The following CACNB4 variants were observed in gnomAD, a reference collection of about 807,000 sequenced individuals.
CACNB4 encodes the protein calcium voltage-gated channel auxiliary subunit beta 4.
A neutral mutation model predicts 71.2 loss-of-function variants in CACNB4; 32 were observed. The observed-to-expected ratio is 0.45, with a 90% CI of 0.34 to 0.60. The LOEUF (loss-of-function observed/expected upper bound fraction) is 0.60. Ranked by LOEUF, CACNB4 falls within the 20% of genes least tolerant of loss-of-function variation. CACNB4 has a pLI of 0.01. For missense variants in CACNB4, 464 were observed against 647.9 expected, an observed-to-expected ratio of 0.72 and a Z score of 3.08; for synonymous variants, 231 against 236.9, an observed-to-expected ratio of 0.97 and a Z score of 0.23.
At chr2:151,842,320 CTTTTTTTTTTTTTTT>C (rs35662354) in intron 12 of CACNB4, among the ~76,000 whole-genome samples, 1 of 67,708 alleles carries the variant, frequency 1.5e-5, no homozygotes, top group Non-Finnish European at 2.6e-5. Context: ...ATATTTGGAT[CTTTTTTTTTTTTTTT>C]TTTTTTTTTT....
chr2:152,054,105 C>A (rs1036800889), intron 2 of CACNB4, among the ~76,000 whole-genome samples: 1 of 152,058 alleles, frequency 6.6e-6, no homozygotes, highest in Non-Finnish European at 1.5e-5. Context: ...CGGTGGCTCA[C>A]GCCTGTAATC....
At chr2:152,090,658 A>T (rs979141439) in intron 2 of CACNB4, among the ~76,000 whole-genome samples, 1 of 151,922 alleles carries the variant, frequency 6.6e-6, no homozygotes, top group African/African-American at 2.4e-5. Context: ...AAAAAAAAGA[A>T]AAAAAGAAAG....
At chr2:151,937,165 C>G (rs1274183789) in intron 2 of CACNB4, among the ~76,000 whole-genome samples, 1 of 152,186 alleles carries the variant, frequency 6.6e-6, no homozygotes, top group Non-Finnish European at 1.5e-5. Flanking sequence ...TAACCCATTT[C>G]AATGAATTCC....
At chr2:151,929,655 C>A (rs1455701646) in intron 2 of CACNB4, among the ~76,000 whole-genome samples, 2 of 152,092 alleles carry the variant, frequency 1.3e-5, no homozygotes, top group Admixed American at 6.6e-5. Context: ...ATTCCAAGAG[C>A]ATCAACTAAA....
At chr2:152,096,674 C>T (rs1447279224) in intron 2 of CACNB4, among the ~76,000 whole-genome samples, 4 of 152,068 alleles carry the variant, frequency 2.6e-5, no homozygotes, top group African/African-American at 9.7e-5. Flanking sequence ...ATTTAGCATG[C>T]AATACTTTTA....
rs1391047389 is a variant in CACNB4, at chr2:151,834,333, T to A, written c.*4786A>T. ...ATACATCATGAGAAACAAAAGAAAG[T>A]TTCATATATAACTACGACTCCCCAA... is the stretch of plus-strand genomic sequence containing the variant. On this transcript the variant is annotated 3_prime_UTR_variant, in exon 14 of 14. Coordinates refer to ENST00000539935, the MANE Select transcript of CACNB4 (RefSeq NM_000726.5). The A allele has an allele frequency of 6.6e-6, 1 of 151,914 alleles. No individual in the cohort carries two copies. Among genetic ancestry groups the A allele is most frequent in the Non-Finnish European group, 1.5e-5 (1 of 67,864 alleles). 9.4% of individuals were successfully genotyped at this position (151,914 alleles called of 1,614,324 possible). A position where few individuals can be genotyped will look rare whatever the true frequency, so the allele number is the denominator to read the frequency against.
At position 151,872,425 on chromosome 2, in the gene CACNB4, G is replaced by A. The variant is rs1300738658; in HGVS notation, c.590C>T (p.Thr197Ile). 1.3e-6 allele frequency: 2 copies of A among 1,581,696 alleles called. No individual in the cohort carries two copies. Among genetic ancestry groups the A allele is most frequent in the African/African-American group, 1.3e-5 (1 of 74,150 alleles). The change falls in exon 6 of 14, where the codon ACA becomes ATA. Residue 197 changes from threonine (T) to isoleucine (I), a missense_variant. Thr to Ile is a moderately conservative substitution (Grantham distance 89). This residue lies in a region of CACNB4 where 299 missense variants were observed against 471.7 expected (regional missense o/e 0.63). Coordinates refer to ENST00000539935, the MANE Select transcript of CACNB4 (RefSeq NM_000726.5). ...TTAACTACAACCCTCACCTGTTGAT[G>A]TGGGAGTTGCTCGGAATGTCCCAGA... ...MVSGTFRATP[T>I]STAKQKQKVT... is the part of the protein sequence containing the mutation.
chr2:151,988,053 G>T (rs940220317), intron 2 of CACNB4, among the ~76,000 whole-genome samples: 1 of 152,034 alleles, frequency 6.6e-6, no homozygotes, highest in Non-Finnish European at 1.5e-5. Flanking sequence ...CTTTTTTTAA[G>T]ATCTGAAGCT....
intron 10 of CACNB4, chr2:151,858,807 C>T (rs557034895): frequency 2.6e-5 from 4 of 152,314 alleles, no homozygotes; most frequent in Admixed American, 2.6e-4. Context: ...ATGTCAATGT[C>T]TTTGTACATT....
In CACNB4 at chr2:152,073,020, T is replaced by C. The variant is rs368070788; in HGVS notation, c.147+25310A>G. On this transcript the variant is annotated intron_variant, in intron 2 of 13. Coordinates refer to ENST00000539935, the MANE Select transcript of CACNB4 (RefSeq NM_000726.5). Reference sequence around the variant, plus strand: ...GGCTTGGTCTAGTATATGGTTAAGCTAGACCTTGAACTTACGCTTTTGCTG... The same window carrying C: ...GGCTTGGTCTAGTATATGGTTAAGCCAGACCTTGAACTTACGCTTTTGCTG... Among the ~76,000 whole-genome samples, 11 of 152,180 alleles carry C rather than the reference T, an allele frequency of 7.2e-5. No homozygotes were observed. The South Asian group carries it at 2.1e-3, about 29-fold the overall frequency.
At chr2:151,997,854 A>G (rs1682152902) in intron 2 of CACNB4, among the ~76,000 whole-genome samples, 2 of 152,196 alleles carry the variant, frequency 1.3e-5, no homozygotes, top group South Asian at 4.1e-4. Flanking sequence ...AACCACAGTC[A>G]AATTCCTAAA....
chr2:151,997,000 G>C (rs1000079163), intron 2 of CACNB4, among the ~76,000 whole-genome samples: 8 of 152,092 alleles, frequency 5.3e-5, no homozygotes, highest in African/African-American at 1.9e-4. Flanking sequence ...TACATCACAG[G>C]GTATAAGGGC....
chr2:151,882,556 G>T (rs575462494), intron 3 of CACNB4, among the ~76,000 whole-genome samples: 2 of 152,188 alleles, frequency 1.3e-5, no homozygotes, highest in South Asian at 4.1e-4. Flanking sequence ...GACAAAAAGG[G>T]TCGTGCTTCA....
At chr2:151,882,024 G>A (rs1356735754) in intron 3 of CACNB4, among the ~76,000 whole-genome samples, 2 of 151,296 alleles carry the variant, frequency 1.3e-5, no homozygotes, top group Admixed American at 1.3e-4. Context: ...GGGATTACAG[G>A]TGCACACCAC....
intron 2 of CACNB4, among the ~76,000 whole-genome samples, chr2:151,929,583 T>C (rs890827637): frequency 2.6e-5 from 4 of 152,148 alleles, no homozygotes; most frequent in Admixed American, 6.6e-5. Flanking sequence ...TAAATCTCCA[T>C]AGTGGAAAGG....
intron 4 of CACNB4, chr2:151,880,392 A>T (rs2099847534): frequency 4.1e-6 from 1 of 246,828 alleles, no homozygotes; most frequent in African/African-American, 2.4e-5. Context: ...GGTGCACAGC[A>T]CTATAGTCTA....
intron 2 of CACNB4, among the ~76,000 whole-genome samples, chr2:151,954,797 C>T (rs1378915378): frequency 6.8e-6 from 1 of 148,092 alleles, no homozygotes; most frequent in Non-Finnish European, 1.5e-5. Flanking sequence ...GATACACAGA[C>T]AAGATTATTT....
intron 2 of CACNB4, among the ~76,000 whole-genome samples, chr2:152,052,248 C>T (rs1301079944): frequency 3.9e-5 from 6 of 152,218 alleles, no homozygotes; most frequent in Non-Finnish European, 2.9e-5. Flanking sequence ...TATTGAATGT[C>T]TCATGTAATT....
At chr2:151,846,498 G>A (rs563168879) in intron 12 of CACNB4, among the ~76,000 whole-genome samples, 2 of 151,910 alleles carry the variant, frequency 1.3e-5, no homozygotes, top group East Asian at 3.9e-4. Flanking sequence ...TTTATAAACT[G>A]TAGAAACTAA....
Sources: gnomAD v4.1 joint callset for allele counts (sites outside exome capture counted in the v4.1 genomes callset) on GRCh38, gnomAD v4.1.1 for gene constraint, gnomAD v4.1.1 regional missense constraint, MANE v1.5 for transcripts, NCBI Gene and HGNC (gene_info 2026-07-23, HGNC 2026-07-21) for gene names.